ITGB6: variants seen among roughly 807,000 people sequenced by gnomAD.
The protein encoded by ITGB6 is integrin subunit beta 6, also known as integrin beta-6.
In ITGB6, 80 loss-of-function variants were observed where a neutral mutation model predicts 84.5. The ratio of observed to expected loss-of-function variants is 0.95; its 90% confidence interval spans 0.79 to 1.14. The LOEUF (loss-of-function observed/expected upper bound fraction) is 1.14. Ranked by LOEUF, ITGB6 falls within the 50% of genes most tolerant of loss-of-function variation. The pLI is 0.00. For synonymous variants in ITGB6, 383 were observed against 354.9 expected, an observed-to-expected ratio of 1.08 and a Z score of -0.89; for missense variants, 1,006 against 968.0, an observed-to-expected ratio of 1.04 and a Z score of -0.52.
chr2:160,101,758 A>C lies in ITGB6; in HGVS notation c.2345T>G (p.Val782Gly). 6.3e-7 allele frequency: 1 copy of C among 1,585,662 alleles called. No homozygotes were observed. Among genetic ancestry groups the C allele is most frequent in the South Asian group, 1.1e-5 (1 of 90,412 alleles). ...VTYKHREKQKVDLSTDC is the reference protein window; with the variant it reads ...VTYKHREKQKGDLSTDC ...GTTCTAGCAATCTGTGGAAAGGTCTACCTTTTGTTTTTCCCTGTGTTTATA... is the reference window on the plus strand; with the variant it reads ...GTTCTAGCAATCTGTGGAAAGGTCTCCCTTTTGTTTTTCCCTGTGTTTATA... The change falls in exon 15 of 15, where the codon GTA becomes GGA. Residue 782 changes from valine to glycine, a missense_variant. Transcript: ENST00000283249.
chr2:160,154,242 A>G (rs1190233747), intron 7 of ITGB6, among the ~76,000 whole-genome samples: 1 of 152,256 alleles, frequency 6.6e-6, no homozygotes, highest in African/African-American at 2.4e-5. Context: ...ACCATGGAAT[A>G]CTATGCAGCC....
intron 6 of ITGB6, 131 bp from the exon 7 acceptor site, chr2:160,169,438 T>C: frequency 1.8e-6 from 1 of 554,266 alleles, no homozygotes; most frequent in African/African-American, 1.9e-5. Flanking sequence ...TCTATCACTC[T>C]AAGTAAACAA....
chr2:160,173,555 G>A (rs911656687), intron 5 of ITGB6, among the ~76,000 whole-genome samples: 5 of 152,258 alleles, frequency 3.3e-5, no homozygotes, highest in South Asian at 4.1e-4. Flanking sequence ...GCAAACTTCC[G>A]AAGCTTATTG....
intron 10 of ITGB6, among the ~76,000 whole-genome samples, chr2:160,131,018 G>T (rs1349700921): frequency 2.6e-5 from 4 of 152,054 alleles, no homozygotes; most frequent in African/African-American, 7.2e-5. Flanking sequence ...GGTTTCCAAA[G>T]TTGCTAATTG....
At chr2:160,152,142 A>T (rs1402800880) in intron 7 of ITGB6, among the ~76,000 whole-genome samples, 4 of 152,082 alleles carry the variant, frequency 2.6e-5, no homozygotes, top group Non-Finnish European at 4.4e-5. Flanking sequence ...GAGACACAAC[A>T]AAAAAAGAGA....
intron 6 of ITGB6, among the ~76,000 whole-genome samples, chr2:160,172,195 A>C (rs1574117142): frequency 6.6e-6 from 1 of 152,242 alleles, no homozygotes; most frequent in East Asian, 1.9e-4. Flanking sequence ...GGCCTGATTC[A>C]AGGACTATCA....
intron 6 of ITGB6, among the ~76,000 whole-genome samples, chr2:160,171,733 AAGAC>A (rs1685215334): frequency 6.6e-6 from 1 of 152,230 alleles, no homozygotes; most frequent in African/African-American, 2.4e-5. Flanking sequence ...TTGTGCAAGA[AAGAC>A]AGACAGATGT....
intron 6 of ITGB6, among the ~76,000 whole-genome samples, chr2:160,170,311 T>C (rs1383155563): frequency 6.6e-6 from 1 of 152,214 alleles, no homozygotes; most frequent in Non-Finnish European, 1.5e-5. Context: ...GAGAAAAGTG[T>C]AGTTTTGCCT....
chr2:160,128,272 T>TAA (rs1415503439), intron 10 of ITGB6, among the ~76,000 whole-genome samples: 2 of 64,176 alleles, frequency 3.1e-5, no homozygotes, highest in East Asian at 3.2e-4. Context: ...GGGTAGACAA[T>TAA]ACAAAAAAAA....
intron 4 of ITGB6, among the ~76,000 whole-genome samples, chr2:160,187,529 A>G (rs1168949101): frequency 6.6e-6 from 1 of 152,212 alleles, no homozygotes; most frequent in Non-Finnish European, 1.5e-5. Flanking sequence ...CTATATGTTT[A>G]CATGAGGTTT....
chr2:160,164,814 A>C (rs1044666737), intron 7 of ITGB6, among the ~76,000 whole-genome samples: 13 of 152,136 alleles, frequency 8.5e-5, no homozygotes, highest in Non-Finnish European at 1.5e-4. Flanking sequence ...CTCAGTTATG[A>C]GGCTTTGAGT....
At chr2:160,153,452 G>T (rs192683708) in intron 7 of ITGB6, among the ~76,000 whole-genome samples, 1 of 152,270 alleles carries the variant, frequency 6.6e-6, no homozygotes, top group East Asian at 1.9e-4. Flanking sequence ...ATAGATTAAA[G>T]ACTTAAATAT....
intron 12 of ITGB6, among the ~76,000 whole-genome samples, chr2:160,118,972 C>G (rs1574048419): frequency 6.6e-6 from 1 of 152,088 alleles, no homozygotes; most frequent in African/African-American, 2.4e-5. Context: ...TGTGAAGGAT[C>G]TCTTCAAGGA....
chr2:160,143,988 G>A (rs1313034234), intron 7 of ITGB6, among the ~76,000 whole-genome samples: 1 of 152,140 alleles, frequency 6.6e-6, no homozygotes, highest in Non-Finnish European at 1.5e-5. Flanking sequence ...CAGTGGTCAC[G>A]ATTGTGTTGA....
chr2:160,164,859 G>A (rs538272197), intron 7 of ITGB6, among the ~76,000 whole-genome samples: 26 of 152,122 alleles, frequency 1.7e-4, no homozygotes, highest in African/African-American at 6.0e-4. Context: ...TGATCTAAGG[G>A]GTAACTGATG....
At chr2:160,141,459 C>T (rs561337391) in intron 8 of ITGB6, among the ~76,000 whole-genome samples, 6 of 152,282 alleles carry the variant, frequency 3.9e-5, no homozygotes, top group African/African-American at 1.4e-4. Flanking sequence ...AATTTACACA[C>T]CTACTCATAA....
chr2:160,115,946 A>G (rs1352336689), intron 12 of ITGB6, among the ~76,000 whole-genome samples: 1 of 149,484 alleles, frequency 6.7e-6, no homozygotes, highest in East Asian at 1.9e-4. Context: ...ATGAAGTGAG[A>G]AGGGAAGTTT....
Position 160,200,088 on chromosome 2 carries a change from C to T in ITGB6, c.-25G>A. ...TTCGTTTCAGTTCTTGCTGTGCAGA[C>T]CGATTAAAAAATGAATTACCTTCAG... On this transcript the variant is annotated 5_prime_UTR_variant, in exon 1 of 15. Coordinates refer to ENST00000283249, the MANE Select transcript of ITGB6 (RefSeq NM_000888.5). The T allele has an allele frequency of 5.0e-6, 8 of 1,606,384 alleles. No homozygotes were observed. Among genetic ancestry groups the T allele is most frequent in the Non-Finnish European group, 5.1e-6 (6 of 1,174,626 alleles).
intron 10 of ITGB6, among the ~76,000 whole-genome samples, chr2:160,129,824 T>G (rs192250313): frequency 2.0e-5 from 3 of 152,152 alleles, no homozygotes; most frequent in Admixed American, 1.3e-4. Context: ...AATTCTTTGG[T>G]CAAAAATCAC....
Sources: allele counts gnomAD v4.1 joint callset (sites outside exome capture counted in the v4.1 genomes callset), GRCh38; gene constraint gnomAD v4.1.1; transcripts MANE v1.5; gene names NCBI Gene and HGNC (gene_info 2026-07-23, HGNC 2026-07-21).